The following DSE variants were observed in gnomAD, a reference collection of about 807,000 sequenced individuals.
DSE encodes dermatan-sulfate epimerase.
DSE carries 36 observed loss-of-function variants against 84.4 expected under a neutral mutation model. The observed-to-expected ratio is 0.43, with a 90% confidence interval of 0.33 to 0.56. The LOEUF is 0.56. DSE is among the 20% of genes least tolerant of loss of function. DSE has a pLI of 0.06. For missense variants in DSE, 862 were observed against 1,169.6 expected (o/e 0.74, Z 3.84); for synonymous variants, 410 against 430.1 (o/e 0.95, Z 0.58).
intron 2 of DSE, among the ~76,000 whole-genome samples, chr6:116,408,321 A>G (rs1477426160): frequency 6.6e-6 from 1 of 152,110 alleles, no homozygotes; most frequent in Non-Finnish European, 1.5e-5. Flanking sequence ...CTGCACTGCA[A>G]TTCTTGGTTT....
intron 2 of DSE, among the ~76,000 whole-genome samples, chr6:116,264,792 A>G (rs76012628): frequency 0.041 from 6,225 of 152,148 alleles, 426 homozygotes; most frequent in African/African-American, 0.14. Flanking sequence ...TTTGTGGTGT[A>G]AGGTGGACTC....
chr6:116,390,520 A>G (rs1044615457), intron 1 of DSE, among the ~76,000 whole-genome samples: 4 of 152,238 alleles, frequency 2.6e-5, no homozygotes, highest in Non-Finnish European at 5.9e-5. Context: ...ACTACTTTTT[A>G]AGTGATTCAG....
chr6:116,350,404 G>A (rs1468695049), intron 2 of DSE, among the ~76,000 whole-genome samples: 3 of 152,126 alleles, frequency 2.0e-5, no homozygotes, highest in African/African-American at 7.2e-5. Flanking sequence ...ACTCTTCAGA[G>A]AAAAGAACTT....
chr6:116,379,654 G>T (rs966532527), intron 1 of DSE, among the ~76,000 whole-genome samples: 1 of 151,980 alleles, frequency 6.6e-6, no homozygotes, highest in Non-Finnish European at 1.5e-5. Flanking sequence ...TACTGTTCAG[G>T]GTGGATTCAT....
At chr6:116,406,983 A>G (rs1583185702) in intron 2 of DSE, among the ~76,000 whole-genome samples, 1 of 152,350 alleles carries the variant, frequency 6.6e-6, no homozygotes, top group East Asian at 1.9e-4. Context: ...TGAAGACCAC[A>G]GTTAAAACAG....
chr6:116,262,125 G>A (rs1488897203), intron 2 of DSE, among the ~76,000 whole-genome samples: 1 of 152,144 alleles, frequency 6.6e-6, no homozygotes, highest in East Asian at 1.9e-4. Context: ...AAGTTAGGGA[G>A]GATTCCCTCC....
At chr6:116,423,426 G>T (rs868061693) in intron 2 of DSE, among the ~76,000 whole-genome samples, 1 of 152,122 alleles carries the variant, frequency 6.6e-6, no homozygotes, top group Non-Finnish European at 1.5e-5. Context: ...GGAAATTGTG[G>T]TGATGTGTTA....
chr6:116,256,585 G>A (rs1441586658), intron 1 of DSE: 2 of 152,102 alleles, frequency 1.3e-5, no homozygotes, highest in Non-Finnish European at 2.9e-5. Flanking sequence ...TTTCATTAAG[G>A]TCAGTTTTAT....
rs1779525759 is a variant in DSE, at chr6:116,371,136, G to A, written c.-54+15G>A. ...GGCTGGGAGCGGTAAGTGGAGGGGC[G>A]CGCAAGGGACGAGCTGGGGCGCGCG... On this transcript the variant is annotated intron_variant, in intron 1 of 5. Coordinates refer to ENST00000644252, the MANE Select transcript of DSE (RefSeq NM_013352.4). 3 of 985,958 alleles carry A rather than the reference G, an allele frequency of 3.0e-6. No individual in the cohort carries two copies. Among genetic ancestry groups the A allele is most frequent in the Non-Finnish European group, 3.6e-6 (3 of 830,524 alleles). The allele number at this position is 985,958 out of a possible 1,614,324, so 61.1% of individuals were successfully genotyped here.
intron 2 of DSE, among the ~76,000 whole-genome samples, chr6:116,272,953 G>C (rs1035771934): frequency 5.3e-5 from 8 of 152,162 alleles, no homozygotes; most frequent in African/African-American, 1.9e-4. Context: ...CACAGTGTCA[G>C]GCGCAAAGTA....
chr6:116,256,781 G>A (rs960042298), intron 1 of DSE: 2 of 152,100 alleles, frequency 1.3e-5, no homozygotes, highest in Non-Finnish European at 2.9e-5. Context: ...TTTGAGGTGG[G>A]TGGATATATA....
At chr6:116,346,072 G>T (rs1777945404) in intron 2 of DSE, among the ~76,000 whole-genome samples, 1 of 152,196 alleles carries the variant, frequency 6.6e-6, no homozygotes. Flanking sequence ...AAACTAGGAA[G>T]AAGTTGAATC....
At chr6:116,305,480 T>G (rs1233277958) in intron 2 of DSE, among the ~76,000 whole-genome samples, 1 of 152,178 alleles carries the variant, frequency 6.6e-6, no homozygotes, top group Non-Finnish European at 1.5e-5. Flanking sequence ...TGAAATGCAA[T>G]ACATGGTCCT....
chr6:116,433,163 T>C (rs1372022087), intron 4 of DSE, 180 bp from the exon 5 acceptor site: 1 of 634,444 alleles, frequency 1.6e-6, no homozygotes, highest in African/African-American at 1.8e-5. Context: ...TGGAAGACCT[T>C]TTGAGGGATT....
chr6:116,336,600 A>G (rs142906456), intron 2 of DSE, among the ~76,000 whole-genome samples: 6,104 of 152,214 alleles, frequency 0.04, 437 homozygotes, highest in African/African-American at 0.14. Context: ...TACTGAAAAT[A>G]CAAAATTAGC....
At chr6:116,375,515 T>C in intron 1 of DSE, 4 of 984,984 alleles carry the variant, frequency 4.1e-6, no homozygotes, top group Non-Finnish European at 4.8e-6. Context: ...AAGTCTTTTT[T>C]ATGTGTATGG....
intron 2 of DSE, among the ~76,000 whole-genome samples, chr6:116,328,416 G>C (rs918067640): frequency 6.6e-5 from 10 of 152,204 alleles, no homozygotes; most frequent in African/African-American, 2.4e-4. Flanking sequence ...CGAGGAGACT[G>C]TGCACATATT....
chr6:116,294,953 G>A (rs112302513), intron 2 of DSE, among the ~76,000 whole-genome samples: 30 of 152,256 alleles, frequency 2.0e-4, no homozygotes, highest in African/African-American at 7.0e-4. Context: ...ACTTCCTATA[G>A]TAAGTATGAT....
At chr6:116,262,908 G>A (rs1406167628) in intron 2 of DSE, among the ~76,000 whole-genome samples, 3 of 152,176 alleles carry the variant, frequency 2.0e-5, no homozygotes, top group Non-Finnish European at 4.4e-5. Context: ...CAATTTCCAT[G>A]TAACTGTATG....
Sources: gnomAD v4.1 joint callset for allele counts (sites outside exome capture counted in the v4.1 genomes callset) on GRCh38, gnomAD v4.1.1 for gene constraint, MANE v1.5 for transcripts, NCBI Gene and HGNC (gene_info 2026-07-23, HGNC 2026-07-21) for gene names.